The following RAPGEF6 variants were observed in gnomAD, a reference collection of about 807,000 sequenced individuals.
The protein encoded by RAPGEF6 is Rap guanine nucleotide exchange factor 6.
In RAPGEF6, 56 loss-of-function variants were observed where a neutral mutation model predicts 171.4. The ratio of observed to expected loss-of-function variants is 0.33; its 90% CI spans 0.26 to 0.41. RAPGEF6 has a LOEUF of 0.41. Ranked by LOEUF, RAPGEF6 falls within the 10% of genes least tolerant of loss-of-function variation. The pLI is 1.00. For missense variants in RAPGEF6, 1,674 were observed against 1,921.4 expected, an observed-to-expected ratio of 0.87 and a Z score of 2.41; for synonymous variants, 692 against 650.1, an observed-to-expected ratio of 1.06 and a Z score of -0.98.
In RAPGEF6 at chr5:131,561,981, A is replaced by G; in HGVS notation, c.348T>C (p.Ile116=). 6.3e-7 allele frequency: 1 copy of G among 1,590,096 alleles called. No individual in the cohort carries two copies. The highest frequency in any genetic ancestry group is 8.6e-7 in the Non-Finnish European group (1 of 1,165,208). The change falls in exon 5 of 28, where the codon ATT becomes ATC. Residue 116 remains isoleucine (I), a synonymous_variant. Transcript: ENST00000509018. ...CAGCATTCTTTAAAGTTCTTACCAC[A>G]ATCATTTCTGAAGGCTCTAATACAA... The part of the protein sequence containing the change: ...DCLVLEPSEM[I]VVENAKDNED...
intron 4 of RAPGEF6, among the ~76,000 whole-genome samples, chr5:131,565,938 G>C (rs1446239625): frequency 6.6e-6 from 1 of 152,092 alleles, no homozygotes; most frequent in African/African-American, 2.4e-5. Context: ...TTGAGCTCAG[G>C]AGTTCAAGAC....
chr5:131,586,105 T>C (rs1362467766), intron 4 of RAPGEF6, among the ~76,000 whole-genome samples: 1 of 152,166 alleles, frequency 6.6e-6, no homozygotes, highest in Non-Finnish European at 1.5e-5. Context: ...GTCTCAGATT[T>C]TTGGGGTTCA....
At position 131,543,555 on chromosome 5, in the gene RAPGEF6, G is replaced by C. The variant is rs76319034; in HGVS notation, c.495+4492C>G. 3.4e-3 allele frequency among the ~76,000 whole-genome samples: 512 copies of C among 152,248 alleles called. 4 individuals carry two copies. The highest frequency in any genetic ancestry group is 0.012 in the African/African-American group (487 of 41,562). ...AGGAAGAATCTATAGATATTATTGAGTGATTAGACTGTGAATACACACACA... is the reference window on the plus strand; with the variant it reads ...AGGAAGAATCTATAGATATTATTGACTGATTAGACTGTGAATACACACACA... On this transcript the variant is annotated intron_variant, in intron 6 of 27. Transcript: ENST00000509018.
intron 23 of RAPGEF6, among the ~76,000 whole-genome samples, chr5:131,441,290 T>TA (rs1350517337): frequency 6.6e-6 from 1 of 152,230 alleles, no homozygotes; most frequent in African/African-American, 2.4e-5. Context: ...ATAAAATTAG[T>TA]AAAGCACAAT....
At chr5:131,457,342 A>T (rs1163638598) in intron 19 of RAPGEF6, among the ~76,000 whole-genome samples, 3 of 152,240 alleles carry the variant, frequency 2.0e-5, no homozygotes, top group African/African-American at 7.2e-5. Flanking sequence ...AAGTGCTGAG[A>T]TTACAGGCAT....
intron 5 of RAPGEF6, among the ~76,000 whole-genome samples, chr5:131,553,091 C>T (rs1217361458): frequency 3.3e-5 from 5 of 152,136 alleles, no homozygotes; most frequent in Non-Finnish European, 7.3e-5. Flanking sequence ...AACTGCCAGG[C>T]TAGCAAACAG....
chr5:131,523,974 T>A (rs1042534402), intron 6 of RAPGEF6, among the ~76,000 whole-genome samples: 1 of 152,160 alleles, frequency 6.6e-6, no homozygotes, highest in Non-Finnish European at 1.5e-5. Context: ...GACAGCTGGC[T>A]TCTCAACATA....
At chr5:131,445,493 C>CTCTCTGTGTGTGTG (rs1554070849) in intron 22 of RAPGEF6, among the ~76,000 whole-genome samples, 1 of 147,224 alleles carries the variant, frequency 6.8e-6, no homozygotes, top group African/African-American at 2.5e-5. Flanking sequence ...AACTCACTCT[C>CTCTCTGTGTGTGTG]TGTGTGTGTG....
At chr5:131,590,677 C>T (rs1324795208) in intron 4 of RAPGEF6, among the ~76,000 whole-genome samples, 1 of 152,148 alleles carries the variant, frequency 6.6e-6, no homozygotes, top group Admixed American at 6.5e-5. Flanking sequence ...TTTATGATTA[C>T]ATTAATGCAT....
At chr5:131,461,602 A>T in intron 19 of RAPGEF6, 103 bp downstream of exon 19, 1 of 1,111,832 alleles carries the variant, frequency 9.0e-7, no homozygotes, top group Non-Finnish European at 1.2e-6. Context: ...AAGGCATATT[A>T]ATTGAACATT....
chr5:131,489,875 T>TC, intron 14 of RAPGEF6, among the ~76,000 whole-genome samples: 1 of 152,086 alleles, frequency 6.6e-6, no homozygotes, highest in Non-Finnish European at 1.5e-5. Context: ...TTTTGACAGT[T>TC]AATGCCCTCT....
At chr5:131,631,568 T>C (rs1766308555) in intron 1 of RAPGEF6, among the ~76,000 whole-genome samples, 1 of 152,216 alleles carries the variant, frequency 6.6e-6, no homozygotes, top group Non-Finnish European at 1.5e-5. Flanking sequence ...ATCTCTAACC[T>C]GATTTTATGC....
chr5:131,510,553 G>C (rs1483465573), intron 7 of RAPGEF6, 62 bp from the exon 8 acceptor site: 1 of 1,507,618 alleles, frequency 6.6e-7, no homozygotes, highest in Admixed American at 1.9e-5. Flanking sequence ...GTCACAGTCT[G>C]AATTAATCAA....
intron 15 of RAPGEF6, 151 bp from the exon 16 acceptor site, chr5:131,479,904 CT>C: frequency 1.4e-6 from 1 of 727,758 alleles, no homozygotes; most frequent in Non-Finnish European, 2.2e-6. Flanking sequence ...TTTACCCGTC[CT>C]TTAGCAGCTA....
intron 11 of RAPGEF6, among the ~76,000 whole-genome samples, chr5:131,499,417 C>A (rs1360766472): frequency 6.6e-6 from 1 of 151,824 alleles, no homozygotes; most frequent in Non-Finnish European, 1.5e-5. Flanking sequence ...CCCGTCTCTA[C>A]TAAAAATACA....
intron 15 of RAPGEF6, among the ~76,000 whole-genome samples, chr5:131,483,348 CA>C (rs10637299): frequency 1.1e-3 from 133 of 121,930 alleles, no homozygotes; most frequent in East Asian, 1.3e-3. Context: ...GACTCTGTCT[CA>C]AAAAAAAAAA....
intron 14 of RAPGEF6, 96 bp from the exon 15 acceptor site, chr5:131,489,750 G>C: frequency 1.6e-6 from 1 of 618,202 alleles, no homozygotes; most frequent in Non-Finnish European, 2.7e-6. Context: ...AATGAAACTT[G>C]AATAAAATGT....
At chr5:131,479,397 T>C in intron 16 of RAPGEF6, 116 bp downstream of exon 16, 1 of 1,097,284 alleles carries the variant, frequency 9.1e-7, no homozygotes, top group Non-Finnish European at 1.3e-6. Context: ...TTTGAAGACT[T>C]TATGATACAT....
chr5:131,592,453 C>A lies in RAPGEF6; in HGVS notation c.211G>T (p.Ala71Ser). Residue 71 changes from alanine (A) to serine (S), a missense_variant, in exon 4 of 28, where the codon GCC becomes TCC. Ala to Ser is a moderately conservative substitution (Grantham distance 99, BLOSUM62 1). Coordinates refer to ENST00000509018, the MANE Select transcript of RAPGEF6 (RefSeq NM_016340.6). ...NQVLFCSETI[A>S]RCWYILLSGS... ...GAAAGTAGGATATACCAACATCTGG[C>A]AATCGTTTCTGAACTGTTTAAATAA... The A allele has an allele frequency of 1.9e-6, 3 of 1,613,530 alleles. No individual in the cohort carries two copies. Among genetic ancestry groups the A allele is most frequent in the Admixed American group, 1.7e-5 (1 of 60,002 alleles).
Sources: allele counts gnomAD v4.1 joint callset (sites outside exome capture counted in the v4.1 genomes callset), GRCh38; gene constraint gnomAD v4.1.1; transcripts MANE v1.5; gene names NCBI Gene and HGNC (gene_info 2026-07-23, HGNC 2026-07-21).